AOPEP: variants seen among roughly 807,000 people sequenced by gnomAD.
AOPEP encodes the protein aminopeptidase O.
Under a neutral mutation model 98.1 loss-of-function variants are expected in AOPEP, and 77 were observed. The ratio of observed to expected loss-of-function variants is 0.78; its 90% CI spans 0.65 to 0.95. The LOEUF (loss-of-function observed/expected upper bound fraction) is 0.95, where lower values mean the gene tolerates loss of function less well. Ranked by LOEUF, AOPEP falls within the 40% of genes least tolerant of loss-of-function variation. The pLI, the probability that AOPEP is intolerant of heterozygous loss-of-function variation, is 0.00. For missense variants in AOPEP, 1,024 were observed against 1,024.7 expected, an observed-to-expected ratio of 1.00 and a Z score of 0.01; for synonymous variants, 346 against 365.3, an observed-to-expected ratio of 0.95 and a Z score of 0.60.
the AOPEP span, among the ~76,000 whole-genome samples, chr9:95,130,717 CCACAGTG>C: frequency 2.6e-5 from 4 of 152,224 alleles, no homozygotes; most frequent in East Asian, 7.7e-4. Flanking sequence ...ACTGTTCTCT[CCACAGTG>C]GGAAGCCCTT....
At chr9:94,735,176 T>C (rs1441406518) in intron 1 of AOPEP, among the ~76,000 whole-genome samples, 2 of 152,232 alleles carry the variant, frequency 1.3e-5, no homozygotes, top group Non-Finnish European at 2.9e-5. Context: ...TGATATCCTG[T>C]GTAAAATGTA....
chr9:94,973,406 T>A (rs1391716874), intron 10 of AOPEP, among the ~76,000 whole-genome samples: 1 of 152,222 alleles, frequency 6.6e-6, no homozygotes, highest in Admixed American at 6.5e-5. Context: ...GCCTGTTGAT[T>A]TATTTTAACT....
At chr9:94,780,645 T>A (rs1282591274) in intron 3 of AOPEP, among the ~76,000 whole-genome samples, 1 of 152,232 alleles carries the variant, frequency 6.6e-6, no homozygotes, top group Non-Finnish European at 1.5e-5. Flanking sequence ...CAAATGTATC[T>A]GCACTCCTTA....
At chr9:94,738,723 G>A (rs554721370) in intron 1 of AOPEP, among the ~76,000 whole-genome samples, 3 of 152,074 alleles carry the variant, frequency 2.0e-5, no homozygotes, top group Admixed American at 6.5e-5. Context: ...ACAGGCGCCC[G>A]CCACCACGCT....
At chr9:94,945,791 C>G (rs2057552459) in intron 7 of AOPEP, among the ~76,000 whole-genome samples, 1 of 152,130 alleles carries the variant, frequency 6.6e-6, no homozygotes, top group Non-Finnish European at 1.5e-5. Context: ...CAATGTTTGT[C>G]TCATTTGCCT....
At chr9:95,105,937 G>T in the AOPEP span, among the ~76,000 whole-genome samples, 5 of 152,192 alleles carry the variant, frequency 3.3e-5, no homozygotes, top group Non-Finnish European at 5.9e-5. Flanking sequence ...CTGAGCACTG[G>T]GCCAGATGGC....
At chr9:95,113,466 T>C in the AOPEP span, among the ~76,000 whole-genome samples, 1 of 151,788 alleles carries the variant, frequency 6.6e-6, no homozygotes, top group Non-Finnish European at 1.5e-5. Context: ...TTCAAGAAAA[T>C]CACACACATA....
At chr9:95,071,484 T>C (rs2068507251) in intron 14 of AOPEP, among the ~76,000 whole-genome samples, 2 of 152,164 alleles carry the variant, frequency 1.3e-5, no homozygotes, top group South Asian at 4.1e-4. Context: ...AATTTTTAAA[T>C]GTTTAAAAAT....
chr9:95,135,748 A>C, the AOPEP span, among the ~76,000 whole-genome samples: 1 of 152,212 alleles, frequency 6.6e-6, no homozygotes. Context: ...ATTGCTTTCA[A>C]AAAGAATAAG....
intron 13 of AOPEP, among the ~76,000 whole-genome samples, chr9:95,008,072 T>C (rs970466541): frequency 6.6e-6 from 1 of 152,262 alleles, no homozygotes; most frequent in African/African-American, 2.4e-5. Context: ...TCTGATTTTA[T>C]TCATTTTGTA....
intron 13 of AOPEP, among the ~76,000 whole-genome samples, chr9:95,043,657 G>GTTTGT (rs996601641): frequency 3.4e-5 from 5 of 149,010 alleles, no homozygotes; most frequent in African/African-American, 1.3e-4. Context: ...TAATTTTTAG[G>GTTTGT]TTTGTTTTGT....
chr9:95,060,635 G>A, intron 13 of AOPEP, 59 bp from the exon 14 acceptor site: 1 of 1,084,254 alleles, frequency 9.2e-7, no homozygotes, highest in Non-Finnish European at 1.4e-6. Context: ...CTGAACATTT[G>A]GGTGTTGTTT....
At chr9:95,059,007 T>A (rs1208894854) in intron 13 of AOPEP, among the ~76,000 whole-genome samples, 1 of 152,220 alleles carries the variant, frequency 6.6e-6, no homozygotes, top group Non-Finnish European at 1.5e-5. Context: ...GCAGTGTTCA[T>A]GGTATGAATG....
chr9:95,049,614 A>G (rs1421832049), intron 13 of AOPEP, among the ~76,000 whole-genome samples: 1 of 152,240 alleles, frequency 6.6e-6, no homozygotes, highest in African/African-American at 2.4e-5. Flanking sequence ...CCAATAAAAT[A>G]CTTTTTCTTA....
intron 5 of AOPEP, among the ~76,000 whole-genome samples, chr9:94,840,591 A>C (rs2042156767): frequency 6.6e-6 from 1 of 152,076 alleles, no homozygotes; most frequent in Non-Finnish European, 1.5e-5. Context: ...TTCTTCTTTA[A>C]ATGTTTGATA....
chr9:94,888,313 G>GTGTT lies in AOPEP; in HGVS notation c.1365-35670_1365-35669insTTGT, dbSNP rs2048464746. On this transcript the variant is annotated intron_variant, in intron 5 of 16. Transcript: ENST00000375315. ...CCTTACCGTGTGTGTGTGTGTGTGT[G>GTGTT]TGTGTGTGTGTGTGTGTGTACTTTT... Among the ~76,000 whole-genome samples the GTGTT allele has an allele frequency of 2.6e-5, 4 of 151,634 alleles. No individual in the cohort carries two copies. The South Asian group carries it at 8.4e-4, about 32-fold the overall frequency.
At chr9:94,824,877 T>TTG (rs1262506590) in intron 5 of AOPEP, 2 of 228 alleles carry the variant, frequency 8.8e-3, no homozygotes, top group Non-Finnish European at 0.027. Flanking sequence ...TTGGTGAGTG[T>TTG]TTTTTTTTTT....
chr9:94,807,193 G>A (rs1849431725), intron 5 of AOPEP, among the ~76,000 whole-genome samples: 1 of 152,194 alleles, frequency 6.6e-6, no homozygotes, highest in Non-Finnish European at 1.5e-5. Flanking sequence ...GGAGCAACAG[G>A]CAGAGTGAAC....
chr9:95,142,891 C>A, the AOPEP span, among the ~76,000 whole-genome samples: 1 of 152,156 alleles, frequency 6.6e-6, no homozygotes, highest in Admixed American at 6.5e-5. Context: ...CAAACCAATG[C>A]TCCCAACTCT....
Sources: gnomAD v4.1 joint callset for allele counts (sites outside exome capture counted in the v4.1 genomes callset) on GRCh38, gnomAD v4.1.1 for gene constraint, MANE v1.5 for transcripts, NCBI Gene and HGNC (gene_info 2026-07-23, HGNC 2026-07-21) for gene names.